Variants in RNF213 observed in about 807,000 individuals in gnomAD.
RNF213 encodes ring finger protein 213.
A neutral mutation model predicts 514.4 loss-of-function variants in RNF213; 341 were observed. The observed-to-expected ratio is 0.66, with a 90% confidence interval of 0.61 to 0.73. The LOEUF is 0.73. Ranked by LOEUF, RNF213 falls within the 30% of genes least tolerant of loss-of-function variation. The probability of loss-of-function intolerance (pLI) is 0.00; values close to 1 mark genes in which losing one functional copy is unlikely to be tolerated. For synonymous variants in RNF213, 2,655 were observed against 2,658.2 expected, an observed-to-expected ratio of 1.00 and a Z score of 0.04; for missense variants, 5,767 against 6,615.6, an observed-to-expected ratio of 0.87 and a Z score of 4.45.
At chr17:80,265,069 G>GT (rs1196236534) in intron 2 of RNF213, among the ~76,000 whole-genome samples, 1 of 146,526 alleles carries the variant, frequency 6.8e-6, no homozygotes, top group Non-Finnish European at 1.5e-5. Context: ...TTTAGAGGGA[G>GT]TTTTTTTGTT....
In RNF213 at chr17:80,343,087, T is replaced by C. The variant is rs753577079; in HGVS notation, c.5990-45T>C. ...CCTCCCAAAGTGCTAGGATTACAGGTGTGAGCCACCACTCCCAGCCCTAAT... is the reference window on the plus strand; with the variant it reads ...CCTCCCAAAGTGCTAGGATTACAGGCGTGAGCCACCACTCCCAGCCCTAAT... On this transcript the variant is annotated intron_variant, in intron 26 of 67. Coordinates refer to ENST00000582970, the MANE Select transcript of RNF213 (RefSeq NM_001256071.3). The surrounding 1 kb of genome is among the most constrained non-coding windows in gnomAD (Gnocchi z 4.3). 1.1e-5 allele frequency: 16 copies of C among 1,511,492 alleles called. No individual in the cohort carries two copies. The highest frequency in any genetic ancestry group is 6.7e-5 in the Admixed American group (4 of 59,644). The allele number at this position is 1,511,492 out of a possible 1,614,324, so 93.6% of individuals were successfully genotyped here. A position where few individuals can be genotyped will look rare whatever the true frequency, so the allele number is the denominator to read the frequency against.
intron 67 of RNF213, 33 bp from the exon 68 acceptor site, chr17:80,393,312 C>T (rs1214404884): frequency 1.2e-6 from 2 of 1,609,130 alleles, no homozygotes; most frequent in Non-Finnish European, 8.5e-7. Context: ...GCTGAGGAGA[C>T]TGTTTTAAAT....
intron 37 of RNF213, among the ~76,000 whole-genome samples, chr17:80,359,617 A>T (rs2078977252): frequency 6.6e-6 from 1 of 150,850 alleles, no homozygotes; most frequent in African/African-American, 2.5e-5. Flanking sequence ...AGAGAGAAAG[A>T]AAGTAAAGAA....
In RNF213 at chr17:80,263,633, C is replaced by A; in HGVS notation, c.-49C>A. 1 of 1,470,190 alleles carries A rather than the reference C, an allele frequency of 6.8e-7. No homozygotes were observed. The highest frequency in any genetic ancestry group is 9.5e-7 in the Non-Finnish European group (1 of 1,048,560). The allele number at this position is 1,470,190 out of a possible 1,614,324, so 91.1% of individuals were successfully genotyped here. On this transcript the variant is annotated 5_prime_UTR_variant, in exon 2 of 68. Transcript: ENST00000582970. This position sits in a 1 kb window ranked among gnomAD's most constrained non-coding sequence, Gnocchi z 4.9. Reference sequence around the variant, plus strand: ...CATGTAGTATATAGCAGGCTGCCAGCGACTCCTGCTCTTGCTTCTGGATCT... The same window carrying A: ...CATGTAGTATATAGCAGGCTGCCAGAGACTCCTGCTCTTGCTTCTGGATCT...
chr17:80,273,234 G>A lies in RNF213; in HGVS notation c.98-7G>A, dbSNP rs758169561. 8.7e-6 allele frequency: 14 copies of A among 1,613,212 alleles called. No individual in the cohort carries two copies. The highest frequency in any genetic ancestry group is 6.7e-5 in the African/African-American group (5 of 74,848). ...AGATCTGACCCTTCCTTCATCTGCC[G>A]TTACAGATTCTGAGAACAATAACTC... On this transcript the variant is annotated splice_region_variant and splice_polypyrimidine_tract_variant and intron_variant, in intron 2 of 67. Coordinates refer to ENST00000582970, the MANE Select transcript of RNF213 (RefSeq NM_001256071.3).
In RNF213 at chr17:80,343,934, G is replaced by T; in HGVS notation, c.6261G>T (p.Trp2087Cys). ...QYLMDINGKM[W>C]LRNPCHLYIV... ...TAATGGATATAAATGGGAAAATGTG[G>T]CTTCGGAACCCCTGCCATTTGTATA... is the stretch of plus-strand genomic sequence containing the variant. The change falls in exon 28 of 68, where the codon TGG (tryptophan) becomes TGT (cysteine). Residue 2087 changes from tryptophan (W) to cysteine (C), a missense_variant. Trp to Cys is a radical substitution (Grantham distance 215). This residue lies in a region of RNF213 where 1,377 missense variants were observed against 1,635.2 expected (regional missense o/e 0.84). Coordinates refer to ENST00000582970, the MANE Select transcript of RNF213 (RefSeq NM_001256071.3). This position sits in a 1 kb window ranked among gnomAD's most constrained non-coding sequence, Gnocchi z 4.3. 1 of 1,614,196 alleles carries T rather than the reference G, an allele frequency of 6.2e-7. No individual in the cohort carries two copies.
chr17:80,309,499 G>T (rs189036617), intron 14 of RNF213, among the ~76,000 whole-genome samples: 2 of 152,288 alleles, frequency 1.3e-5, no homozygotes, highest in African/African-American at 4.8e-5. Context: ...CGGAGAAGAC[G>T]ACTTTTCTTT....
At position 80,288,300 on chromosome 17, in the gene RNF213, C is replaced by T. The variant is rs757233464; in HGVS notation, c.747C>T (p.Gly249=). 2 of 1,613,114 alleles carry T rather than the reference C, an allele frequency of 1.2e-6. No individual in the cohort carries two copies. Among genetic ancestry groups the T allele is most frequent in the South Asian group, 2.2e-5 (2 of 91,090 alleles). ...QELLLPESKG[G]SSEPGTELQT... ...TCCTGTTGCCTGAGTCAAAAGGAGGCAGCTCTGAGCCCGGGACAGAACTGC... is the reference window on the plus strand; with the variant it reads ...TCCTGTTGCCTGAGTCAAAAGGAGGTAGCTCTGAGCCCGGGACAGAACTGC... Residue 249 remains glycine (G), a synonymous_variant, in exon 4 of 68, where the codon GGC becomes GGT. Coordinates refer to ENST00000582970, the MANE Select transcript of RNF213 (RefSeq NM_001256071.3). The surrounding 1 kb of genome is among the most constrained non-coding windows in gnomAD (Gnocchi z 4.9).
chr17:80,281,320 C>T (rs1339868877), intron 3 of RNF213, among the ~76,000 whole-genome samples: 2 of 96,262 alleles, frequency 2.1e-5, no homozygotes, highest in African/African-American at 7.7e-5. Context: ...ACCCCACTCA[C>T]ACCACTCACA....
Position 80,296,769 on chromosome 17 carries a change from C to A in RNF213, c.2012+956C>A, listed in dbSNP as rs1448325786. 2.0e-5 allele frequency among the ~76,000 whole-genome samples: 3 copies of A among 152,140 alleles called. No individual in the cohort carries two copies. The East Asian group carries it at 5.8e-4, about 29-fold the overall frequency. ...AGCAATCAGCTCACTGCAGCTTCAG[C>A]CTCACAGACTCAGGTGGTTCTCCCA... On this transcript the variant is annotated intron_variant, in intron 10 of 67. Coordinates refer to ENST00000582970, the MANE Select transcript of RNF213 (RefSeq NM_001256071.3).
intron 20 of RNF213, among the ~76,000 whole-genome samples, chr17:80,331,070 C>T (rs1200615070): frequency 6.6e-6 from 1 of 152,214 alleles, no homozygotes; most frequent in Non-Finnish European, 1.5e-5. Flanking sequence ...CCATCCGCCT[C>T]AGCCTCCCAA....
chr17:80,302,008 C>T (rs57805445), intron 11 of RNF213, among the ~76,000 whole-genome samples: 2,809 of 152,220 alleles, frequency 0.018, 78 homozygotes, highest in African/African-American at 0.063. Flanking sequence ...GAGGAGATTA[C>T]GTTAAGTGAA....
intron 10 of RNF213, among the ~76,000 whole-genome samples, chr17:80,297,981 T>G (rs1351998160): frequency 6.6e-6 from 1 of 152,180 alleles, no homozygotes; most frequent in East Asian, 1.9e-4. Flanking sequence ...AGTTGCTTTA[T>G]ATTTAGATTT....
chr17:80,373,121 C>T lies in RNF213; in HGVS notation c.12898C>T (p.Arg4300Cys), dbSNP rs754498093. The T allele has an allele frequency of 6.3e-5, 102 of 1,613,134 alleles. No homozygotes were observed. Among genetic ancestry groups the T allele is most frequent in the Middle Eastern group, 1.7e-4 (1 of 5,932 alleles). ...CGTGCAGGGCCTCTCCAAGCCCGGCCGCCCGCACCAGTGGGTGTTTCCCAA... is the reference window on the plus strand; with the variant it reads ...CGTGCAGGGCCTCTCCAAGCCCGGCTGCCCGCACCAGTGGGTGTTTCCCAA... Reference protein sequence around the residue: ...EFVQGLSKPGRPHQWVFPKDV... With the variant: ...EFVQGLSKPGCPHQWVFPKDV... The change falls in exon 49 of 68, where the codon CGC becomes TGC. Residue 4300 changes from arginine to cysteine, a missense_variant. Transcript: ENST00000582970.
chr17:80,368,859 C>G (rs978186483), intron 44 of RNF213, among the ~76,000 whole-genome samples: 2 of 152,212 alleles, frequency 1.3e-5, no homozygotes, highest in South Asian at 2.1e-4. Flanking sequence ...CAGGCCTCAG[C>G]CCGGCTCTGT....
intron 10 of RNF213, among the ~76,000 whole-genome samples, chr17:80,296,465 T>C (rs2044952458): frequency 6.6e-6 from 1 of 152,182 alleles, no homozygotes; most frequent in South Asian, 2.1e-4. Flanking sequence ...CCCATGCCCC[T>C]GCCTGTGCCG....
intron 20 of RNF213, among the ~76,000 whole-genome samples, chr17:80,328,706 G>A (rs929267925): frequency 6.6e-6 from 1 of 151,780 alleles, no homozygotes; most frequent in Non-Finnish European, 1.5e-5. Context: ...GGATTTTTCC[G>A]GAGTCAGCAT....
chr17:80,268,934 G>A (rs1408367100), intron 2 of RNF213, among the ~76,000 whole-genome samples: 2 of 152,144 alleles, frequency 1.3e-5, no homozygotes, highest in Admixed American at 6.6e-5. Context: ...TCAAAAGCAG[G>A]GAAGCCGACA....
In RNF213 at chr17:80,377,843, C is replaced by A; in HGVS notation, c.13545+47C>A. 1 of 1,608,036 alleles carries A rather than the reference C, an allele frequency of 6.2e-7. No homozygotes were observed. Among genetic ancestry groups the A allele is most frequent in the Non-Finnish European group, 8.5e-7 (1 of 1,174,526 alleles). On this transcript the variant is annotated intron_variant, in intron 54 of 67. Transcript: ENST00000582970. This position sits in a 1 kb window ranked among gnomAD's most constrained non-coding sequence, Gnocchi z 4.1. ...AGGGTTTGAGGGGTGGCGTGCACTC[C>A]TGGGTTGGAGGAGGGGGATCGTGGG...
Sources: gnomAD v4.1 joint callset for allele counts (sites outside exome capture counted in the v4.1 genomes callset) on GRCh38, gnomAD v4.1.1 for gene constraint, gnomAD v4.1.1 regional missense constraint, Gnocchi (gnomAD v3.1) non-coding constraint, MANE v1.5 for transcripts, NCBI Gene and HGNC (gene_info 2026-07-23, HGNC 2026-07-21) for gene names.